CACNA2D3: variants seen among roughly 807,000 people sequenced by gnomAD.
CACNA2D3 encodes calcium voltage-gated channel auxiliary subunit alpha2delta 3, also known as voltage-dependent calcium channel subunit alpha-2/delta-3.
A neutral mutation model predicts 160.6 loss-of-function variants in CACNA2D3; 60 were observed. That is an observed-to-expected ratio of 0.37 (90% CI 0.30 to 0.46). The LOEUF (loss-of-function observed/expected upper bound fraction) is 0.46. Among genes scored for constraint, CACNA2D3 ranks in the 20% least tolerant of loss-of-function variants. The probability of loss-of-function intolerance (pLI) is 1.00; values close to 1 mark genes in which losing one functional copy is unlikely to be tolerated. For synonymous variants in CACNA2D3, 558 were observed against 492.9 expected, an observed-to-expected ratio of 1.13 and a Z score of -1.75; for missense variants, 1,205 against 1,365.0, an observed-to-expected ratio of 0.88 and a Z score of 1.85.
At chr3:54,651,117 A>G (rs59167690) in intron 11 of CACNA2D3, among the ~76,000 whole-genome samples, 20,450 of 152,166 alleles carry the variant, frequency 0.13, 1,490 homozygotes, top group African/African-American at 0.19. Flanking sequence ...AAACAAGGTA[A>G]AATGACCATA....
At chr3:54,178,986 A>G (rs777557959) in intron 2 of CACNA2D3, among the ~76,000 whole-genome samples, 12 of 152,104 alleles carry the variant, frequency 7.9e-5, no homozygotes, top group Admixed American at 2.6e-4. Context: ...TTTAGCATCT[A>G]TATTGATGTG....
intron 2 of CACNA2D3, among the ~76,000 whole-genome samples, chr3:54,316,504 A>G (rs1703866174): frequency 6.6e-6 from 1 of 152,220 alleles, no homozygotes; most frequent in Non-Finnish European, 1.5e-5. Flanking sequence ...CCCCAGGATG[A>G]TAAGAAAGTA....
chr3:54,682,161 G>GCACACACACACACACACA (rs138753206), intron 11 of CACNA2D3, among the ~76,000 whole-genome samples: 12 of 144,782 alleles, frequency 8.3e-5, no homozygotes, highest in African/African-American at 3.1e-4. Context: ...AAACAGAACA[G>GCACACACACACACACACA]CACACACACA....
At chr3:54,757,551 G>GA (rs1271610538) in intron 12 of CACNA2D3, among the ~76,000 whole-genome samples, 1 of 152,190 alleles carries the variant, frequency 6.6e-6, no homozygotes, top group Non-Finnish European at 1.5e-5. Context: ...AGAGGTGAAG[G>GA]AAGGCACAAA....
At chr3:54,546,506 G>C (rs1207320203) in intron 5 of CACNA2D3, among the ~76,000 whole-genome samples, 1 of 152,060 alleles carries the variant, frequency 6.6e-6, no homozygotes, top group Non-Finnish European at 1.5e-5. Context: ...TGGAGGGCTG[G>C]TGTCTAGAGC....
At chr3:54,326,090 A>G (rs371596534) in intron 3 of CACNA2D3, among the ~76,000 whole-genome samples, 27 of 152,210 alleles carry the variant, frequency 1.8e-4, no homozygotes, top group African/African-American at 5.3e-4. Flanking sequence ...CAGTAATTCA[A>G]TTTCAGTGCA....
At chr3:55,040,625 CA>C (rs1228650453) in intron 35 of CACNA2D3, among the ~76,000 whole-genome samples, 1 of 152,058 alleles carries the variant, frequency 6.6e-6, no homozygotes, top group Non-Finnish European at 1.5e-5. Context: ...TCTGAGGCTG[CA>C]ATGATCTATG....
chr3:54,277,418 A>T (rs1013359808), intron 2 of CACNA2D3, among the ~76,000 whole-genome samples: 7 of 152,194 alleles, frequency 4.6e-5, no homozygotes, highest in African/African-American at 1.7e-4. Context: ...TGTCAGGTTT[A>T]TAAACGATTA....
chr3:54,435,404 C>T (rs1301771871), intron 4 of CACNA2D3, among the ~76,000 whole-genome samples: 2 of 152,132 alleles, frequency 1.3e-5, no homozygotes, highest in Non-Finnish European at 2.9e-5. Context: ...TACACCCCTG[C>T]AACTCAGGTG....
At chr3:54,805,429 T>C (rs1048842462) in intron 13 of CACNA2D3, among the ~76,000 whole-genome samples, 8 of 152,114 alleles carry the variant, frequency 5.3e-5, no homozygotes, top group South Asian at 4.1e-4. Context: ...AACACCTCTA[T>C]GCAAATAAAC....
Position 54,838,481 on chromosome 3 carries a change from G to T in CACNA2D3, c.1471-87G>T, listed in dbSNP as rs574620840. On this transcript the variant is annotated intron_variant, in intron 15 of 37. Transcript: ENST00000474759. ...TGTATCAGTTTGGGGAAGGCACCAG[G>T]CAGACGGTATGTGACTTCTCGTGAG... 8.2e-5 allele frequency: 85 copies of T among 1,040,954 alleles called. No homozygotes were observed. In the African/African-American group the frequency reaches 1.1e-3, roughly 14 times the overall value. 64.5% of individuals were successfully genotyped at this position (1,040,954 alleles called of 1,614,324 possible). A position where few individuals can be genotyped will look rare whatever the true frequency, so the allele number is the denominator to read the frequency against.
intron 35 of CACNA2D3, among the ~76,000 whole-genome samples, chr3:55,042,633 T>C (rs950345125): frequency 6.6e-6 from 1 of 152,222 alleles, no homozygotes; most frequent in Non-Finnish European, 1.5e-5. Flanking sequence ...TATTTACATT[T>C]TCAATTTACT....
chr3:54,246,476 T>C (rs1479964891), intron 2 of CACNA2D3, among the ~76,000 whole-genome samples: 1 of 152,182 alleles, frequency 6.6e-6, no homozygotes, highest in Admixed American at 6.5e-5. Context: ...GTGGATCACC[T>C]GAGGTCAGGA....
chr3:54,459,090 A>G (rs1041938646), intron 4 of CACNA2D3, among the ~76,000 whole-genome samples: 8 of 152,108 alleles, frequency 5.3e-5, no homozygotes, highest in Non-Finnish European at 8.8e-5. Context: ...TGTCCCTACA[A>G]AGGACATGAA....
intron 11 of CACNA2D3, among the ~76,000 whole-genome samples, chr3:54,656,517 C>G (rs1432981970): frequency 6.6e-6 from 1 of 152,184 alleles, no homozygotes; most frequent in Non-Finnish European, 1.5e-5. Flanking sequence ...CGAGCTGTGC[C>G]CACTTTCCTG....
intron 2 of CACNA2D3, among the ~76,000 whole-genome samples, chr3:54,193,814 A>G (rs1701024008): frequency 6.6e-6 from 1 of 152,088 alleles, no homozygotes. Context: ...GTTCTAATTC[A>G]TTTCCTTCAC....
intron 31 of CACNA2D3, among the ~76,000 whole-genome samples, chr3:54,999,658 G>A (rs1157707092): frequency 2.0e-5 from 3 of 152,116 alleles, no homozygotes; most frequent in African/African-American, 4.8e-5. Context: ...CTGGCCTCAC[G>A]GTACATAGTA....
rs1385065277 is a variant in CACNA2D3, at chr3:54,321,933, A to AC, written c.321+1375_321+1376insC. Among the ~76,000 whole-genome samples, 9 of 152,166 alleles carry AC rather than the reference A, an allele frequency of 5.9e-5. No individual in the cohort carries two copies. The East Asian group carries it at 1.4e-3, about 23-fold the overall frequency. ...TTCTGAAATCCTTGCAAAAAAAAAA[A>AC]AAAAAAAAACTAGTAACAGCATTGT... On this transcript the variant is annotated intron_variant, in intron 3 of 37. Transcript: ENST00000474759.
At chr3:54,291,654 T>C (rs1463974117) in intron 2 of CACNA2D3, among the ~76,000 whole-genome samples, 1 of 152,220 alleles carries the variant, frequency 6.6e-6, no homozygotes, top group Admixed American at 6.5e-5. Flanking sequence ...AAACTTTTAT[T>C]CATAATATAT....
Sources: allele counts gnomAD v4.1 joint callset (sites outside exome capture counted in the v4.1 genomes callset), GRCh38; gene constraint gnomAD v4.1.1; transcripts MANE v1.5; gene names NCBI Gene and HGNC (gene_info 2026-07-23, HGNC 2026-07-21).